Variants in POLA1 observed in about 807,000 individuals in gnomAD.
POLA1 encodes the protein DNA polymerase alpha 1, catalytic subunit, also known as DNA polymerase alpha catalytic subunit.
Under a neutral mutation model 124.0 loss-of-function variants are expected in POLA1, and 15 were observed. That is an observed-to-expected ratio of 0.12 (90% CI 0.08 to 0.19). POLA1 has a LOEUF of 0.19. POLA1 is among the 10% of genes least tolerant of loss of function. The pLI is 1.00. For missense variants in POLA1, 886 were observed against 1,103.4 expected (o/e 0.80, Z 2.79); for synonymous variants, 408 against 389.4 (o/e 1.05, Z -0.56).
At chrX:24,970,726 T>A (rs921407735) in intron 36 of POLA1, among the ~76,000 whole-genome samples, 7 of 112,566 alleles carry the variant, frequency 6.2e-5, no homozygotes, top group African/African-American at 9.7e-5. Flanking sequence ...CAGTATTTTT[T>A]AAATATTGGT....
chrX:24,905,359 G>T lies in POLA1; in HGVS notation c.4164+17237G>T, dbSNP rs551610160. Among the ~76,000 whole-genome samples the T allele has an allele frequency of 4.4e-4, 36 of 82,467 alleles. No individual in the cohort carries two copies. In the South Asian group the frequency reaches 0.029, roughly 65 times the overall value. 71.6% of individuals were successfully genotyped at this position (82,467 alleles called of 115,157 possible). On this transcript the variant is annotated intron_variant, in intron 35 of 36. Transcript: ENST00000379068. The stretch of plus-strand genomic sequence containing the variant: ...TTCAAAATATCCAGGATATAATTCT[G>T]TAAGATAGAACCAGGAAAATCCTAT...
At chrX:24,768,281 T>C (rs1438213647) in intron 26 of POLA1, among the ~76,000 whole-genome samples, 1 of 112,328 alleles carries the variant, frequency 8.9e-6, no homozygotes, top group East Asian at 2.8e-4. Flanking sequence ...ATGGTCATAG[T>C]TAATGTGGCC....
At chrX:24,935,623 C>T (rs1244311286) in intron 36 of POLA1, among the ~76,000 whole-genome samples, 1 of 112,870 alleles carries the variant, frequency 8.9e-6, no homozygotes, top group Non-Finnish European at 1.9e-5. Context: ...TCTTGAGCCT[C>T]ATATGCTTTC....
intron 35 of POLA1, among the ~76,000 whole-genome samples, chrX:24,893,333 A>G (rs989754901): frequency 3.6e-5 from 4 of 112,269 alleles, no homozygotes; most frequent in African/African-American, 1.3e-4. Flanking sequence ...CAAAGAGATT[A>G]CTAAATTCTA....
chrX:24,812,486 A>G (rs1029315327), intron 28 of POLA1, among the ~76,000 whole-genome samples, 172 bp from the exon 29 acceptor site: 21 of 111,093 alleles, frequency 1.9e-4, no homozygotes, highest in South Asian at 1.2e-3. Flanking sequence ...GCAGTTTTCA[A>G]TGTCTTTGCT....
intron 34 of POLA1, among the ~76,000 whole-genome samples, chrX:24,854,337 A>C (rs751171172): frequency 9.0e-6 from 1 of 111,660 alleles, no homozygotes; most frequent in Admixed American, 9.4e-5. Context: ...GGTGTGAGCC[A>C]CCGCGCCCGG....
chrX:24,730,001 T>A (rs1226765725), intron 15 of POLA1, among the ~76,000 whole-genome samples: 1 of 110,164 alleles, frequency 9.1e-6, no homozygotes, highest in Admixed American at 9.7e-5. Flanking sequence ...TTCACCATGT[T>A]GCCCAGGCTG....
intron 1 of POLA1, 58 bp downstream of exon 1, chrX:24,694,062 G>A: frequency 2.8e-6 from 3 of 1,053,946 alleles, no homozygotes; most frequent in Non-Finnish European, 3.9e-6. Flanking sequence ...GATTGCCGGT[G>A]GTGGGGGTTC....
rs1345929101 is a variant in POLA1 at position 24,714,666 on chromosome X, A to G, written c.459A>G (p.Ala153=). 8 of 1,097,356 alleles carry G rather than the reference A, an allele frequency of 7.3e-6. No individual in the cohort carries two copies. The highest frequency in any genetic ancestry group is 1.0e-5 in the Non-Finnish European group (8 of 801,482). The allele number at this position is 1,097,356 out of a possible 1,213,427, so 90.4% of individuals were successfully genotyped here. ...TTGCTTGTGCTGGAAAGAAAACTGC[A>G]GATGTGAGTTTCATGGTTTCCTTAT... ...MFIACAGKKT[A]DKAVDLSKDG... is the part of the protein sequence containing the mutation. The change falls in exon 5 of 37, where the codon GCA becomes GCG. Residue 153 remains alanine (A), a synonymous_variant. Transcript: ENST00000379068.
At chrX:24,840,902 T>C (rs1007523903) in intron 32 of POLA1, among the ~76,000 whole-genome samples, 1 of 112,009 alleles carries the variant, frequency 8.9e-6, no homozygotes, top group African/African-American at 3.2e-5. Flanking sequence ...TAAATTAAAT[T>C]GGTTGGCCTA....
At position 24,959,188 on chromosome X, in the gene POLA1, A is replaced by G. The variant is rs760256114; in HGVS notation, c.4261+28639A>G. ...CAGTCCATGTCCAAGATTTGTGGCC[A>G]GGCACGGTGGCTCACACCTGTAATC... On this transcript the variant is annotated intron_variant, in intron 36 of 36. Transcript: ENST00000379068. Among the ~76,000 whole-genome samples the G allele has an allele frequency of 1.2e-3, 137 of 111,778 alleles. 1 individual carries two copies. Among genetic ancestry groups the G allele is most frequent in the Admixed American group, 1.9e-3 (20 of 10,548 alleles).
At chrX:24,814,957 G>GTTTTTTTTTTTTTTTTTTTTTTTTTTTTT in intron 29 of POLA1, 22 bp from the exon 30 acceptor site, 1 of 574,551 alleles carries the variant, frequency 1.7e-6, no homozygotes, top group Non-Finnish European at 2.3e-6. Context: ...TCTTTGTTTT[G>GTTTTTTTTTTTTTTTTTTTTTTTTTTTTT]TTTTTTTTTT....
At chrX:24,889,569 T>G (rs1297012648) in intron 35 of POLA1, among the ~76,000 whole-genome samples, 1 of 112,707 alleles carries the variant, frequency 8.9e-6, no homozygotes, top group African/African-American at 3.2e-5. Context: ...AGGTGAGACT[T>G]GGGAACCTGT....
Position 24,699,534 on chromosome X carries a change from G to A in POLA1, c.153G>A (p.Glu51=), listed in dbSNP as rs377252389. 2 of 1,167,591 alleles carry A rather than the reference G, an allele frequency of 1.7e-6. No individual in the cohort carries two copies. Among genetic ancestry groups the A allele is most frequent in the Non-Finnish European group, 2.3e-6 (2 of 871,171 alleles). Residue 51 remains glutamate, a synonymous_variant, in exon 2 of 37, where the codon GAG becomes GAA. Transcript: ENST00000379068. The part of the protein sequence containing the change: ...LERLKKAKAG[E]KYKYEVEDFT... Reference sequence around the variant, plus strand: ...GACTGAAAAAGGCTAAAGCTGGTGAGAAGTATAAATATGAAGTAAGTAACC... The same window carrying A: ...GACTGAAAAAGGCTAAAGCTGGTGAAAAGTATAAATATGAAGTAAGTAACC...
At chrX:24,737,531 A>G in intron 18 of POLA1, 94 bp from the exon 19 acceptor site, 1 of 520,326 alleles carries the variant, frequency 1.9e-6, no homozygotes. Context: ...AGAGACTAGA[A>G]AAAGAAAGGG....
At chrX:24,912,049 A>G (rs990700461) in intron 35 of POLA1, among the ~76,000 whole-genome samples, 2 of 112,668 alleles carry the variant, frequency 1.8e-5, no homozygotes, top group African/African-American at 3.2e-5. Flanking sequence ...ACGTAGACCA[A>G]TGGAAGAGAA....
At chrX:24,759,951 T>C (rs761563964) in intron 26 of POLA1, among the ~76,000 whole-genome samples, 1 of 112,485 alleles carries the variant, frequency 8.9e-6, no homozygotes, top group Non-Finnish European at 1.9e-5. Flanking sequence ...TCACAAGCCA[T>C]GTGTTATTTG....
intron 10 of POLA1, among the ~76,000 whole-genome samples, chrX:24,721,216 G>A (rs1290282265): frequency 8.9e-6 from 1 of 112,667 alleles, no homozygotes; most frequent in African/African-American, 3.2e-5. Flanking sequence ...TTCTGGTGCT[G>A]GAGAAGGCCT....
intron 5 of POLA1, 147 bp downstream of exon 5, chrX:24,714,816 A>T: frequency 2.3e-6 from 1 of 437,688 alleles, no homozygotes; most frequent in Non-Finnish European, 4.0e-6. Context: ...TTCTAAGTGA[A>T]TTAAGGCACC....
Sources: allele counts gnomAD v4.1 joint callset (sites outside exome capture counted in the v4.1 genomes callset), GRCh38; gene constraint gnomAD v4.1.1; transcripts MANE v1.5; gene names NCBI Gene and HGNC (gene_info 2026-07-23, HGNC 2026-07-21).